The following ZNF28 variants were observed in gnomAD, a reference collection of about 807,000 sequenced individuals.
ZNF28 encodes the protein zinc finger protein 28.
In ZNF28, 5 loss-of-function variants were observed where a neutral mutation model predicts 7.2. The ratio of observed to expected loss-of-function variants is 0.70; its 90% CI spans 0.36 to 1.46. The LOEUF (loss-of-function observed/expected upper bound fraction) is 1.46, where lower values mean the gene tolerates loss of function less well. Ranked by LOEUF, ZNF28 falls within the 40% of genes most tolerant of loss-of-function variation. ZNF28 has a pLI of 0.03. For synonymous variants in ZNF28, 288 were observed against 292.4 expected, an observed-to-expected ratio of 0.99 and a Z score of 0.15; for missense variants, 879 against 866.6, an observed-to-expected ratio of 1.01 and a Z score of -0.18.
chr19:52,816,281 G>T (rs1346027042), intron 2 of ZNF28, among the ~76,000 whole-genome samples: 6 of 147,168 alleles, frequency 4.1e-5, no homozygotes, highest in Non-Finnish European at 7.4e-5. Flanking sequence ...CACTCTTGGG[G>T]GCTGAGGCAG....
chr19:52,800,348 A>C lies in ZNF28; in HGVS notation c.1497T>G (p.Val499=). ...AATCACTCCGGAAAGCCTTGTCACA[A>C]ACCTTACATTTGTATGGTTTCTCTC... ...HTGEKPYKCK[V]CDKAFRSDSC... is the part of the protein sequence containing the mutation. Residue 499 remains valine (V), a synonymous_variant, in exon 4 of 4, where the codon GTT becomes GTG. Transcript: ENST00000457749. 2 of 1,613,608 alleles carry C rather than the reference A, an allele frequency of 1.2e-6. No individual in the cohort carries two copies. Among genetic ancestry groups the C allele is most frequent in the Non-Finnish European group, 1.7e-6 (2 of 1,179,868 alleles).
rs1421143565 is a variant in ZNF28, at chr19:52,816,004, A to G, written c.15+1940T>C. Among the ~76,000 whole-genome samples, 2 of 146,992 alleles carry G rather than the reference A, an allele frequency of 1.4e-5. 1 individual carries two copies. The highest frequency in any genetic ancestry group is 5.3e-5 in the African/African-American group (2 of 37,998). On this transcript the variant is annotated intron_variant, in intron 2 of 3. Transcript: ENST00000457749. The stretch of plus-strand genomic sequence containing the variant: ...TAATTTACAACAGAATTTTTTTTAA[A>G]GTCTCATAATGATGCAGAAATACAC...
intron 1 of ZNF28, among the ~76,000 whole-genome samples, chr19:52,819,177 G>A (rs1426326185): frequency 1.5e-5 from 2 of 137,836 alleles, no homozygotes; most frequent in East Asian, 4.0e-4. Flanking sequence ...AAGCTCCCAG[G>A]AGGAGGCTGG....
intron 3 of ZNF28, 140 bp from the exon 4 acceptor site, chr19:52,801,842 G>T: frequency 1.3e-6 from 1 of 798,530 alleles, no homozygotes. Flanking sequence ...CACAAAAGGA[G>T]TAAGATTCTT....
intron 3 of ZNF28, among the ~76,000 whole-genome samples, chr19:52,802,793 C>T (rs1439001270): frequency 7.1e-6 from 1 of 141,022 alleles, no homozygotes; most frequent in South Asian, 2.2e-4. Flanking sequence ...CGAAATCTTG[C>T]TCTGTCGCCC....
At position 52,819,346 on chromosome 19, in the gene ZNF28, C is replaced by T. The variant is rs183766572; in HGVS notation, c.-73-1315G>A. ...ATATTCTAATACAGACAAAGTCCTCCGAAGATGGTCTCTCTTTCTGAGTCT... is the reference window on the plus strand; with the variant it reads ...ATATTCTAATACAGACAAAGTCCTCTGAAGATGGTCTCTCTTTCTGAGTCT... On this transcript the variant is annotated intron_variant, in intron 1 of 3. Coordinates refer to ENST00000457749, the MANE Select transcript of ZNF28 (RefSeq NM_006969.5). Among the ~76,000 whole-genome samples the T allele has an allele frequency of 1.1e-4, 16 of 145,604 alleles. 2 individuals are homozygous for T. The East Asian group carries it at 3.2e-3, about 29-fold the overall frequency.
chr19:52,801,492 T>A lies in ZNF28; in HGVS notation c.353A>T (p.Glu118Val), dbSNP rs893723007. 3 of 1,614,136 alleles carry A rather than the reference T, an allele frequency of 1.9e-6. No individual in the cohort carries two copies. The highest frequency in any genetic ancestry group is 2.5e-6 in the Non-Finnish European group (3 of 1,179,952). ...ATGTTGGCCTGTACTACCAGTCAAC[T>A]CTTTGATTTCTGTCATGGGTGCTGC... ...DHAAPMTEIK[E>V]LTGSTGQHDQ... The change falls in exon 4 of 4, where the codon GAG becomes GTG. Residue 118 changes from glutamate to valine, a missense_variant. Glu to Val is a moderately radical substitution (Grantham distance 121, BLOSUM62 -2). Transcript: ENST00000457749.
Position 52,817,949 on chromosome 19 carries a change from G to A in ZNF28, c.10C>T (p.Pro4Ser). The A allele has an allele frequency of 6.2e-7, 1 of 1,610,764 alleles. No individual in the cohort carries two copies. Among genetic ancestry groups the A allele is most frequent in the South Asian group, 1.1e-5 (1 of 91,046 alleles). Reference sequence around the variant, plus strand: ...CACCGAGAATACCATCTCACCTGAGGAAGAGCCATCCCTGACTCCTTTGCT... The same window carrying A: ...CACCGAGAATACCATCTCACCTGAGAAAGAGCCATCCCTGACTCCTTTGCT... MAL[P>S]QGLLTFRDVA... is the part of the protein sequence containing the mutation. Residue 4 changes from proline to serine, a missense_variant, in exon 2 of 4, where the codon CCT becomes TCT. Coordinates refer to ENST00000457749, the MANE Select transcript of ZNF28 (RefSeq NM_006969.5).
intron 2 of ZNF28, among the ~76,000 whole-genome samples, chr19:52,813,731 C>G (rs1398250157): frequency 1.4e-5 from 2 of 145,944 alleles, no homozygotes; most frequent in African/African-American, 2.7e-5. Flanking sequence ...TTTCTGCAGC[C>G]AGAAGATCTC....
At position 52,801,706 on chromosome 19, in the gene ZNF28, C is replaced by G. The variant is rs1600425143; in HGVS notation, c.143-4G>C. 1.2e-6 allele frequency: 2 copies of G among 1,609,148 alleles called. No homozygotes were observed. Among genetic ancestry groups the G allele is most frequent in the African/African-American group, 1.3e-5 (1 of 74,668 alleles). On this transcript the variant is annotated splice_polypyrimidine_tract_variant and splice_region_variant and intron_variant, in intron 3 of 3. Transcript: ENST00000457749. ...ATCATGCATTTGGAAGAGATATCTA[C>G]AAAATATAAACACCAATAGGTTTCC...
Position 52,799,462 on chromosome 19 carries a change from TATG to T in ZNF28, c.*223_*225del. 2.3e-6 allele frequency: 2 copies of T among 864,824 alleles called. No homozygotes were observed. Among genetic ancestry groups the T allele is most frequent in the Non-Finnish European group, 1.9e-6 (1 of 538,706 alleles). 53.6% of individuals were successfully genotyped at this position (864,824 alleles called of 1,614,324 possible). A position where few individuals can be genotyped will look rare whatever the true frequency, so the allele number is the denominator to read the frequency against. ...TAAAGTTTCTCTGCAGTATGAATTC[TATG>T]ATGACGTGCAAGGGTTGTTTTTTGA... On this transcript the variant is annotated 3_prime_UTR_variant, in exon 4 of 4. Coordinates refer to ENST00000457749, the MANE Select transcript of ZNF28 (RefSeq NM_006969.5).
intron 2 of ZNF28, among the ~76,000 whole-genome samples, chr19:52,811,389 C>T (rs1320924195): frequency 6.1e-5 from 9 of 146,450 alleles, no homozygotes; most frequent in Non-Finnish European, 1.3e-4. Flanking sequence ...TGCCTGGCTG[C>T]CCAGTCTGGA....
Position 52,815,590 on chromosome 19 carries a change from C to T in ZNF28, c.15+2354G>A, listed in dbSNP as rs1454926969. Among the ~76,000 whole-genome samples the T allele has an allele frequency of 3.4e-5, 5 of 146,082 alleles. 2 individuals are homozygous for T. Among genetic ancestry groups the T allele is most frequent in the African/African-American group, 5.3e-5 (2 of 37,576 alleles). On this transcript the variant is annotated intron_variant, in intron 2 of 3. Transcript: ENST00000457749. ...CTGTAATCCCAGCACTTTGGGAGGCCGAGGCGGGCGAATCATGAGGTCAGG... is the reference window on the plus strand; with the variant it reads ...CTGTAATCCCAGCACTTTGGGAGGCTGAGGCGGGCGAATCATGAGGTCAGG...
intron 2 of ZNF28, among the ~76,000 whole-genome samples, chr19:52,808,990 GTGTGTATATATGTATTTGTATGTATA>G (rs2062975244): frequency 1.3e-5 from 2 of 152,154 alleles, no homozygotes; most frequent in South Asian, 4.1e-4. Context: ...ATATACAGAT[GTGTGTATATATGTATTTGTATGTATA>G]TGTGTGTGCA....
At chr19:52,820,669 C>G (rs950012935) in intron 1 of ZNF28, among the ~76,000 whole-genome samples, 1 of 152,148 alleles carries the variant, frequency 6.6e-6, no homozygotes, top group Non-Finnish European at 1.5e-5. Context: ...CTCCCTCACT[C>G]TGATGAGCCT....
chr19:52,802,901 C>T (rs2062891395), intron 3 of ZNF28, among the ~76,000 whole-genome samples: 1 of 150,134 alleles, frequency 6.7e-6, no homozygotes, highest in South Asian at 2.1e-4. Flanking sequence ...GCTTGGACTA[C>T]AGGCACACAC....
intron 2 of ZNF28, among the ~76,000 whole-genome samples, chr19:52,813,780 C>T (rs961306795): frequency 1.4e-5 from 2 of 146,586 alleles, no homozygotes; most frequent in African/African-American, 5.3e-5. Context: ...ATTCCCCTTC[C>T]CCATGGGGAA....
intron 2 of ZNF28, among the ~76,000 whole-genome samples, chr19:52,812,714 A>G (rs1191366068): frequency 7.7e-6 from 1 of 129,352 alleles, no homozygotes; most frequent in Non-Finnish European, 1.6e-5. Flanking sequence ...CTATTGTCCT[A>G]TGACCCTGCC....
Position 52,800,422 on chromosome 19 carries a change from CTT to C in ZNF28, c.1421_1422del (p.Lys474SerfsTer9), listed in dbSNP as rs758337014. ...TCAAGGTGTGATTTGCACCTGAAAA[CTT>C]TGTCACATTCTTCACATTTGTATGG... is the stretch of plus-strand genomic sequence containing the variant. ...EKPYKCEECD[K>X]VFRCKSHLER... On this transcript the variant is annotated frameshift_variant, in exon 4 of 4. Coordinates refer to ENST00000457749, the MANE Select transcript of ZNF28 (RefSeq NM_006969.5). LOFTEE classifies it low-confidence loss of function (END_TRUNC). 6.2e-7 allele frequency: 1 copy of C among 1,613,202 alleles called. No individual in the cohort carries two copies. Among genetic ancestry groups the C allele is most frequent in the Non-Finnish European group, 8.5e-7 (1 of 1,179,732 alleles).
Sources: allele counts gnomAD v4.1 joint callset (sites outside exome capture counted in the v4.1 genomes callset), GRCh38; gene constraint gnomAD v4.1.1; transcripts MANE v1.5; gene names NCBI Gene and HGNC (gene_info 2026-07-23, HGNC 2026-07-21).